The following MAST4 variants were observed in gnomAD, a reference collection of about 807,000 sequenced individuals.
MAST4 encodes the protein microtubule associated serine/threonine kinase family member 4, also known as microtubule-associated serine/threonine-protein kinase 4.
MAST4 carries 89 observed loss-of-function variants against 162.7 expected under a neutral mutation model. The ratio of observed to expected loss-of-function variants is 0.55; its 90% CI spans 0.46 to 0.65. The LOEUF (loss-of-function observed/expected upper bound fraction) is 0.65. Ranked by LOEUF, MAST4 falls within the 30% of genes least tolerant of loss-of-function variation. The pLI is 0.00. For missense variants in MAST4, 3,153 were observed against 3,374.0 expected, an observed-to-expected ratio of 0.93 and a Z score of 1.62; for synonymous variants, 1,479 against 1,361.1, an observed-to-expected ratio of 1.09 and a Z score of -1.91.
chr5:66,965,442 A>G (rs1477756591), intron 4 of MAST4, among the ~76,000 whole-genome samples: 1 of 151,868 alleles, frequency 6.6e-6, no homozygotes, highest in Non-Finnish European at 1.5e-5. Flanking sequence ...TAGAAGAGAA[A>G]AGAAAATTAG....
In MAST4 at chr5:66,719,653, G is replaced by A. The variant is rs111885066; in HGVS notation, c.364-40056G>A. ...GATGGTTTGCTGCACCCATCAACCC[G>A]TCATCTAGGTTTTAAGCCCCACATG... is the stretch of plus-strand genomic sequence containing the variant. On this transcript the variant is annotated intron_variant, in intron 1 of 28. Transcript: ENST00000403625. 1.1e-3 allele frequency among the ~76,000 whole-genome samples: 163 copies of A among 152,130 alleles called. 2 individuals carry two copies. The highest frequency in any genetic ancestry group is 3.7e-3 in the African/African-American group (153 of 41,496).
intron 4 of MAST4, among the ~76,000 whole-genome samples, chr5:66,947,921 C>G (rs924369985): frequency 1.3e-5 from 2 of 152,134 alleles, no homozygotes; most frequent in African/African-American, 4.8e-5. Flanking sequence ...ATTTAATAAT[C>G]TCACATTGCC....
chr5:67,106,580 TCA>T (rs1765620007), intron 10 of MAST4, among the ~76,000 whole-genome samples: 1 of 152,218 alleles, frequency 6.6e-6, no homozygotes, highest in Admixed American at 6.5e-5. Context: ...CTCATCCAGC[TCA>T]GACCCTCATC....
chr5:66,651,610 G>C (rs1277074535), intron 1 of MAST4, among the ~76,000 whole-genome samples: 4 of 152,058 alleles, frequency 2.6e-5, no homozygotes, highest in African/African-American at 2.4e-5. Flanking sequence ...ATTGCTGTGT[G>C]ACAAATTCCT....
chr5:66,951,826 T>G (rs1314404250), intron 4 of MAST4, among the ~76,000 whole-genome samples: 1 of 152,170 alleles, frequency 6.6e-6, no homozygotes, highest in Non-Finnish European at 1.5e-5. Context: ...ACTTTCTATG[T>G]TATCAAACAT....
At chr5:66,895,103 T>C (rs1166202970) in intron 3 of MAST4, among the ~76,000 whole-genome samples, 2 of 152,188 alleles carry the variant, frequency 1.3e-5, no homozygotes, top group Non-Finnish European at 2.9e-5. Context: ...TCCTGCCCAC[T>C]TTCTGACGTC....
chr5:66,611,693 T>A (rs1743298498), intron 1 of MAST4, among the ~76,000 whole-genome samples: 1 of 152,250 alleles, frequency 6.6e-6, no homozygotes, highest in South Asian at 2.1e-4. Flanking sequence ...AAGCCATTGC[T>A]GGGATACATC....
chr5:66,816,692 C>T (rs1756743745), intron 3 of MAST4, among the ~76,000 whole-genome samples: 1 of 152,122 alleles, frequency 6.6e-6, no homozygotes, highest in East Asian at 1.9e-4. Flanking sequence ...CTCCATTACC[C>T]ATGTTTGCCT....
intron 4 of MAST4, among the ~76,000 whole-genome samples, chr5:67,029,113 G>A (rs530268267): frequency 2.7e-5 from 4 of 150,606 alleles, no homozygotes; most frequent in African/African-American, 9.8e-5. Flanking sequence ...CAGCCTGGGC[G>A]ACAGCACGAG....
chr5:67,081,939 T>A (rs878962391), intron 5 of MAST4, among the ~76,000 whole-genome samples: 1 of 152,282 alleles, frequency 6.6e-6, no homozygotes, highest in South Asian at 2.1e-4. Context: ...AGTGAGGAAC[T>A]GGTGGACACC....
intron 3 of MAST4, among the ~76,000 whole-genome samples, chr5:66,843,447 G>A (rs1481857235): frequency 2.6e-5 from 4 of 152,094 alleles, no homozygotes; most frequent in African/African-American, 7.2e-5. Context: ...AGCTATGGTC[G>A]CTTAACAGAG....
At chr5:66,657,233 C>G (rs987236554) in intron 1 of MAST4, among the ~76,000 whole-genome samples, 20 of 152,104 alleles carry the variant, frequency 1.3e-4, no homozygotes, top group African/African-American at 4.8e-4. Flanking sequence ...TTTGGATGTC[C>G]AGCCTAAATC....
At chr5:66,726,180 G>A (rs1162884629) in intron 1 of MAST4, among the ~76,000 whole-genome samples, 1 of 151,648 alleles carries the variant, frequency 6.6e-6, no homozygotes, top group East Asian at 1.9e-4. Flanking sequence ...AGGGAGGGAG[G>A]GTCTCACTGA....
chr5:66,911,113 T>C (rs1209050506), intron 4 of MAST4, among the ~76,000 whole-genome samples: 3 of 152,166 alleles, frequency 2.0e-5, no homozygotes, highest in African/African-American at 7.2e-5. Context: ...GGCTTTCCCA[T>C]GCTTAAGTAC....
intron 23 of MAST4, among the ~76,000 whole-genome samples, chr5:67,148,624 G>A (rs991344368): frequency 6.6e-6 from 1 of 152,204 alleles, no homozygotes; most frequent in Non-Finnish European, 1.5e-5. Context: ...AGTAAAGAAG[G>A]TGTGGTTTAG....
At position 66,743,259 on chromosome 5, in the gene MAST4, G is replaced by A. The variant is rs145842748; in HGVS notation, c.364-16450G>A. 5.4e-3 allele frequency among the ~76,000 whole-genome samples: 816 copies of A among 152,160 alleles called. 7 individuals carry two copies. Among genetic ancestry groups the A allele is most frequent in the South Asian group, 0.05 (239 of 4,814 alleles). On this transcript the variant is annotated intron_variant, in intron 1 of 28. Coordinates refer to ENST00000403625, the MANE Select transcript of MAST4 (RefSeq NM_001164664.2). ...ATGTCCCCTCTTCCTCCTCATGTAT[G>A]TGTTTCTGTCATTTTCTCCTTCCCC...
intron 1 of MAST4, among the ~76,000 whole-genome samples, chr5:66,747,525 T>C (rs1244138326): frequency 6.6e-6 from 1 of 152,210 alleles, no homozygotes; most frequent in East Asian, 1.9e-4. Context: ...TTTGGGTAAA[T>C]TGATGTTGCT....
intron 1 of MAST4, among the ~76,000 whole-genome samples, chr5:66,656,620 C>G (rs1029997696): frequency 1.3e-5 from 2 of 152,272 alleles, no homozygotes; most frequent in South Asian, 2.1e-4. Flanking sequence ...CTGATATCCT[C>G]TCTTGATTAG....
chr5:66,963,602 GCCATA>G, intron 4 of MAST4: 2 of 724,904 alleles, frequency 2.8e-6, no homozygotes, highest in South Asian at 1.6e-5. Flanking sequence ...AGATAAGCTT[GCCATA>G]GTGATTCTGG....
Sources: gnomAD v4.1 joint callset for allele counts (sites outside exome capture counted in the v4.1 genomes callset) on GRCh38, gnomAD v4.1.1 for gene constraint, MANE v1.5 for transcripts, NCBI Gene and HGNC (gene_info 2026-07-23, HGNC 2026-07-21) for gene names.